Variants in NMNAT3 observed in about 807,000 individuals in gnomAD.
The protein encoded by NMNAT3 is nicotinamide nucleotide adenylyltransferase 3.
NMNAT3 carries 21 observed loss-of-function variants against 24.8 expected under a neutral mutation model. The ratio of observed to expected loss-of-function variants is 0.85; its 90% confidence interval spans 0.60 to 1.22. The LOEUF (loss-of-function observed/expected upper bound fraction) is 1.22, where lower values mean the gene tolerates loss of function less well. Ranked by LOEUF, NMNAT3 falls within the 50% of genes most tolerant of loss-of-function variation. The pLI, the probability that NMNAT3 is intolerant of heterozygous loss-of-function variation, is 0.00. For missense variants in NMNAT3, 387 were observed against 436.6 expected (o/e 0.89, Z 1.01); for synonymous variants, 136 against 155.2 (o/e 0.88, Z 0.92).
chr3:139,575,084 T>C (rs1939099031), intron 5 of NMNAT3, among the ~76,000 whole-genome samples: 1 of 152,208 alleles, frequency 6.6e-6, no homozygotes, highest in South Asian at 2.1e-4. Context: ...TTACTCTTAG[T>C]CTATCTTCCC....
chr3:139,606,863 C>A (rs1037935224), intron 3 of NMNAT3, among the ~76,000 whole-genome samples: 4 of 152,160 alleles, frequency 2.6e-5, no homozygotes, highest in Admixed American at 1.3e-4. Context: ...CTCAAATTAT[C>A]CCAGATTTGC....
At chr3:139,629,613 A>G (rs542315447) in intron 2 of NMNAT3, among the ~76,000 whole-genome samples, 66 of 152,268 alleles carry the variant, frequency 4.3e-4, no homozygotes, top group African/African-American at 1.5e-3. Context: ...TCTGGGGGCA[A>G]CATGTAGAGT....
chr3:139,642,187 T>C (rs2108359285), intron 1 of NMNAT3, among the ~76,000 whole-genome samples: 1 of 152,332 alleles, frequency 6.6e-6, no homozygotes, highest in African/African-American at 2.4e-5. Context: ...TGTGCAGTAT[T>C]ACTTTTCTCC....
chr3:139,577,238 T>C (rs930800185), intron 5 of NMNAT3, among the ~76,000 whole-genome samples: 1 of 152,232 alleles, frequency 6.6e-6, no homozygotes, highest in Non-Finnish European at 1.5e-5. Flanking sequence ...CAACTCCTAT[T>C]TATCCATGAA....
At chr3:139,654,323 C>G (rs2057163089) in intron 1 of NMNAT3, among the ~76,000 whole-genome samples, 1 of 152,220 alleles carries the variant, frequency 6.6e-6, no homozygotes, top group Admixed American at 6.5e-5. Flanking sequence ...AAGCCACTGG[C>G]AGACATGCCC....
intron 3 of NMNAT3, among the ~76,000 whole-genome samples, chr3:139,594,396 C>G (rs867485094): frequency 4.7e-4 from 72 of 152,162 alleles, no homozygotes; most frequent in African/African-American, 1.3e-3. Flanking sequence ...AGGAGGAACT[C>G]GTACCATTCC....
intron 3 of NMNAT3, among the ~76,000 whole-genome samples, chr3:139,596,916 G>GTGTGTATATATA (rs1393197797): frequency 3.4e-4 from 33 of 97,118 alleles, no homozygotes; most frequent in Non-Finnish European, 4.5e-4. Context: ...TGTCATGTGT[G>GTGTGTATATATA]TATATATATA....
intron 2 of NMNAT3, among the ~76,000 whole-genome samples, chr3:139,628,465 A>G (rs1449602778): frequency 6.6e-6 from 1 of 152,244 alleles, no homozygotes; most frequent in Non-Finnish European, 1.5e-5. Flanking sequence ...ACTTTGTTAC[A>G]TAACTGCAGA....
chr3:139,639,163 T>G (rs868223391), intron 1 of NMNAT3, among the ~76,000 whole-genome samples: 2 of 152,336 alleles, frequency 1.3e-5, no homozygotes, highest in Middle Eastern at 3.4e-3. Context: ...TCCATCTGAC[T>G]GGAGAGTGAG....
intron 1 of NMNAT3, among the ~76,000 whole-genome samples, chr3:139,671,251 T>C (rs754055285): frequency 3.9e-5 from 6 of 152,230 alleles, no homozygotes; most frequent in Non-Finnish European, 7.3e-5. Context: ...ATGTCTGTAA[T>C]GTAACCGCAT....
chr3:139,574,143 G>A (rs1217318921), intron 5 of NMNAT3, among the ~76,000 whole-genome samples: 2 of 152,208 alleles, frequency 1.3e-5, no homozygotes, highest in Admixed American at 6.5e-5. Flanking sequence ...CACAGTGCAT[G>A]GCCCACAGCT....
At chr3:139,575,522 A>C in intron 5 of NMNAT3, 1 of 927,900 alleles carries the variant, frequency 1.1e-6, no homozygotes, top group Non-Finnish European at 1.3e-6. Context: ...TATACATGAA[A>C]GAGCTTGGCA....
intron 3 of NMNAT3, among the ~76,000 whole-genome samples, chr3:139,592,886 T>C (rs1472034540): frequency 1.3e-5 from 2 of 152,152 alleles, no homozygotes; most frequent in Admixed American, 6.5e-5. Flanking sequence ...TAAAGACCAT[T>C]GAGACTAGGA....
At chr3:139,675,135 T>TACACACACACACACACACAC (rs148834873) in intron 1 of NMNAT3, among the ~76,000 whole-genome samples, 30 of 148,348 alleles carry the variant, frequency 2.0e-4, no homozygotes, top group African/African-American at 6.7e-4. Flanking sequence ...CTTTTAAACA[T>TACACACACACACACACACAC]ACACACACAC....
intron 5 of NMNAT3, among the ~76,000 whole-genome samples, 176 bp downstream of exon 5, chr3:139,578,696 C>G (rs1939688586): frequency 6.6e-6 from 1 of 151,852 alleles, no homozygotes; most frequent in Admixed American, 6.6e-5. Context: ...AGGGACCTCT[C>G]TGAGAATGTG....
chr3:139,583,476 A>C (rs1466582698), intron 3 of NMNAT3: 2 of 1,602,316 alleles, frequency 1.2e-6, no homozygotes, highest in Non-Finnish European at 1.7e-6. Context: ...GATGCTAAAC[A>C]TAAGTTTTGA....
intron 5 of NMNAT3, chr3:139,575,527 T>C (rs1417443009): frequency 2.1e-6 from 2 of 944,278 alleles, no homozygotes; most frequent in Non-Finnish European, 2.5e-6. Context: ...ATGAAAGAGC[T>C]TGGCACACAT....
At chr3:139,606,399 TC>T (rs1217023359) in intron 3 of NMNAT3, among the ~76,000 whole-genome samples, 9 of 152,236 alleles carry the variant, frequency 5.9e-5, no homozygotes, top group African/African-American at 2.2e-4. Context: ...GATGCTGTGC[TC>T]TTCTCAATAC....
Position 139,639,253 on chromosome 3 carries a change from C to T in NMNAT3, c.-140-1191G>A, listed in dbSNP as rs183054474. The stretch of plus-strand genomic sequence containing the variant: ...GGTCTTGCTCAGAGTAGGTGTAAAA[C>T]GTGTGTGGAATAATCAAATTGAATG... On this transcript the variant is annotated intron_variant, in intron 1 of 6. Coordinates refer to ENST00000643695, the MANE Select transcript of NMNAT3 (RefSeq NM_001320510.2). Among the ~76,000 whole-genome samples, 261 of 152,248 alleles carry T rather than the reference C, an allele frequency of 1.7e-3. 1 individual carries two copies. Among genetic ancestry groups the T allele is most frequent in the Non-Finnish European group, 2.2e-3 (147 of 68,018 alleles).
Sources: allele counts gnomAD v4.1 joint callset (sites outside exome capture counted in the v4.1 genomes callset), GRCh38; gene constraint gnomAD v4.1.1; transcripts MANE v1.5; gene names NCBI Gene and HGNC (gene_info 2026-07-23, HGNC 2026-07-21).